CADPS: variants seen among roughly 807,000 people sequenced by gnomAD.
The protein encoded by CADPS is calcium-dependent secretion activator 1.
A neutral mutation model predicts 167.3 loss-of-function variants in CADPS; 57 were observed. The ratio of observed to expected loss-of-function variants is 0.34; its 90% CI spans 0.28 to 0.42. The LOEUF (loss-of-function observed/expected upper bound fraction) is 0.42. CADPS is among the 20% of genes least tolerant of loss of function. The probability of loss-of-function intolerance (pLI) is 1.00; values close to 1 mark genes in which losing one functional copy is unlikely to be tolerated. For missense variants in CADPS, 1,414 were observed against 1,738.1 expected, an observed-to-expected ratio of 0.81 and a Z score of 3.32; for synonymous variants, 676 against 635.3, an observed-to-expected ratio of 1.06 and a Z score of -0.96.
chr3:62,716,041 G>A (rs1218570813), intron 3 of CADPS, among the ~76,000 whole-genome samples: 1 of 149,320 alleles, frequency 6.7e-6, no homozygotes, highest in South Asian at 2.1e-4. Context: ...CACTGCATCC[G>A]ACCATAAATC....
intron 11 of CADPS, among the ~76,000 whole-genome samples, chr3:62,537,408 C>T (rs1255312582): frequency 6.6e-6 from 1 of 152,156 alleles, no homozygotes; most frequent in Non-Finnish European, 1.5e-5. Context: ...ATACACTATA[C>T]TCAACAGGCA....
At chr3:62,508,161 C>G (rs1190990756) in intron 17 of CADPS, among the ~76,000 whole-genome samples, 1 of 152,098 alleles carries the variant, frequency 6.6e-6, no homozygotes, top group Non-Finnish European at 1.5e-5. Flanking sequence ...GAAGCTCAGA[C>G]CAGTTAATGG....
At position 62,446,754 on chromosome 3, in the gene CADPS, T is replaced by C. The variant is rs1278157633; in HGVS notation, c.3637-957A>G. Among the ~76,000 whole-genome samples, 1 of 152,164 alleles carries C rather than the reference T, an allele frequency of 6.6e-6. No homozygotes were observed. Among genetic ancestry groups the C allele is most frequent in the Non-Finnish European group, 1.5e-5 (1 of 68,028 alleles). On this transcript the variant is annotated intron_variant, in intron 26 of 29. Coordinates refer to ENST00000383710, the MANE Select transcript of CADPS (RefSeq NM_003716.4). The surrounding 1 kb of genome is among the most constrained non-coding windows in gnomAD (Gnocchi z 4.9). Reference sequence around the variant, plus strand: ...TTGAGAAATAAAGCCTATGGGAGTATGTTTAATATTCTGTGTGTTTCATTT... The same window carrying C: ...TTGAGAAATAAAGCCTATGGGAGTACGTTTAATATTCTGTGTGTTTCATTT...
At chr3:62,535,620 C>T (rs1380778095) in intron 12 of CADPS, among the ~76,000 whole-genome samples, 1 of 152,024 alleles carries the variant, frequency 6.6e-6, no homozygotes, top group East Asian at 1.9e-4. Flanking sequence ...ATCATTTTCC[C>T]TCATCTTTCC....
At chr3:62,862,827 G>A (rs1419192211) in intron 1 of CADPS, among the ~76,000 whole-genome samples, 2 of 152,226 alleles carry the variant, frequency 1.3e-5, no homozygotes, top group African/African-American at 4.8e-5. Flanking sequence ...AGTGCAATGG[G>A]AGGAAGCCCT....
chr3:62,502,624 G>C (rs959526623), intron 17 of CADPS, among the ~76,000 whole-genome samples: 2 of 152,066 alleles, frequency 1.3e-5, no homozygotes, highest in African/African-American at 4.8e-5. Flanking sequence ...AATTATACTT[G>C]AGAGCCCGAG....
chr3:62,845,689 T>C (rs559849691), intron 1 of CADPS, among the ~76,000 whole-genome samples: 1 of 152,224 alleles, frequency 6.6e-6, no homozygotes, highest in South Asian at 2.1e-4. Context: ...TTTATCTTTC[T>C]GTTCCCCTCC....
intron 3 of CADPS, among the ~76,000 whole-genome samples, chr3:62,708,437 ATAT>A (rs1044795962): frequency 1.5e-4 from 23 of 152,108 alleles, no homozygotes; most frequent in African/African-American, 5.5e-4. Flanking sequence ...TGATGTGTTA[ATAT>A]TATTATTCTT....
intron 3 of CADPS, among the ~76,000 whole-genome samples, chr3:62,673,091 T>C (rs976512123): frequency 6.6e-6 from 1 of 152,254 alleles, no homozygotes; most frequent in African/African-American, 2.4e-5. Flanking sequence ...TCTTGGCATG[T>C]TCTGTGCAAG....
chr3:62,399,400 A>C lies in CADPS; in HGVS notation c.*6T>G. On this transcript the variant is annotated 3_prime_UTR_variant, in exon 30 of 30. Transcript: ENST00000383710. The surrounding 1 kb of genome is among the most constrained non-coding windows in gnomAD (Gnocchi z 5.6). ...TCTGTCCCAGCAGACTCTAGGACCA[A>C]ATGGTCTAATCGTCTTCTTCGTCTT... The C allele has an allele frequency of 6.2e-7, 1 of 1,613,978 alleles. No homozygotes were observed. Among genetic ancestry groups the C allele is most frequent in the Non-Finnish European group, 8.5e-7 (1 of 1,179,842 alleles).
At chr3:62,794,224 G>A (rs961361027) in intron 1 of CADPS, among the ~76,000 whole-genome samples, 2 of 152,130 alleles carry the variant, frequency 1.3e-5, no homozygotes, top group Non-Finnish European at 2.9e-5. Flanking sequence ...AGCCTCTGAA[G>A]TTTCCCTGTG....
At chr3:62,846,188 G>A (rs967745450) in intron 1 of CADPS, among the ~76,000 whole-genome samples, 1 of 152,026 alleles carries the variant, frequency 6.6e-6, no homozygotes, top group Non-Finnish European at 1.5e-5. Flanking sequence ...CCGTGGAACT[G>A]TGAGTCACTT....
chr3:62,641,146 A>T (rs951430081), intron 6 of CADPS, among the ~76,000 whole-genome samples: 2 of 152,208 alleles, frequency 1.3e-5, no homozygotes, highest in Admixed American at 1.3e-4. Flanking sequence ...GCTACAAAAG[A>T]CAAAACAGCA....
rs73101300 is a variant in CADPS, at chr3:62,514,791, T to G, written c.2581+1268A>C. 0.056 allele frequency among the ~76,000 whole-genome samples: 8,467 copies of G among 152,254 alleles called. 356 individuals are homozygous for G. Among genetic ancestry groups the G allele is most frequent in the East Asian group, 0.19 (1,008 of 5,174 alleles). The stretch of plus-strand genomic sequence containing the variant: ...GAATTGTTAGGTACCTGGCTGACTT[T>G]ACCAAATACAACCAATCATTACGTC... On this transcript the variant is annotated intron_variant, in intron 16 of 29. Coordinates refer to ENST00000383710, the MANE Select transcript of CADPS (RefSeq NM_003716.4). The surrounding 1 kb of genome is among the most constrained non-coding windows in gnomAD (Gnocchi z 4.2).
At position 62,532,930 on chromosome 3, in the gene CADPS, G is replaced by A; in HGVS notation, c.2232C>T (p.Ile744=). 6.2e-7 allele frequency: 1 copy of A among 1,613,752 alleles called. No homozygotes were observed. Residue 744 remains isoleucine, a synonymous_variant, in exon 13 of 30, where the codon ATC becomes ATT. Transcript: ENST00000383710. ...AGCTGTAGTGAAGAAGGGTGGGGTC[G>A]ATCATGGCGCCATTTTCTGCCCGTT... ...LLERAENGAM[I]DPTLLHYSFA...
chr3:62,445,967 T>C (rs1366720633), intron 26 of CADPS, among the ~76,000 whole-genome samples, 170 bp from the exon 27 acceptor site: 1 of 152,200 alleles, frequency 6.6e-6, no homozygotes, highest in Non-Finnish European at 1.5e-5. Flanking sequence ...TTTCAAGCCA[T>C]AGCCACTGCT....
chr3:62,488,423 T>C (rs1303339398), intron 21 of CADPS, among the ~76,000 whole-genome samples: 2 of 152,170 alleles, frequency 1.3e-5, no homozygotes, highest in Admixed American at 6.5e-5. Flanking sequence ...AAAAATCGGC[T>C]GATACAGTGT....
intron 2 of CADPS, among the ~76,000 whole-genome samples, chr3:62,760,005 C>T (rs2084995335): frequency 6.6e-6 from 1 of 152,116 alleles, no homozygotes; most frequent in Admixed American, 6.5e-5. Flanking sequence ...TGGGCCATGA[C>T]CTTGTGGTAG....
At chr3:62,600,591 A>T (rs1014400345) in intron 6 of CADPS, among the ~76,000 whole-genome samples, 1 of 152,194 alleles carries the variant, frequency 6.6e-6, no homozygotes, top group Non-Finnish European at 1.5e-5. Flanking sequence ...CTGCTTAGGG[A>T]TTCTATCTCC....
Sources: gnomAD v4.1 joint callset for allele counts (sites outside exome capture counted in the v4.1 genomes callset) on GRCh38, gnomAD v4.1.1 for gene constraint, Gnocchi (gnomAD v3.1) non-coding constraint, MANE v1.5 for transcripts, NCBI Gene and HGNC (gene_info 2026-07-23, HGNC 2026-07-21) for gene names.